Variants in ZNF302 observed in about 807,000 individuals in gnomAD.
The protein encoded by ZNF302 is zinc finger protein 302.
In ZNF302, 12 loss-of-function variants were observed where a neutral mutation model predicts 10.8. That is an observed-to-expected ratio of 1.11 (90% CI 0.71 to 1.79). The LOEUF (loss-of-function observed/expected upper bound fraction) is 1.79. Among genes scored for constraint, ZNF302 ranks in the 40% most tolerant of loss-of-function variants. The pLI, the probability that ZNF302 is intolerant of heterozygous loss-of-function variation, is 0.00. For synonymous variants in ZNF302, 178 were observed against 157.5 expected, an observed-to-expected ratio of 1.13 and a Z score of -0.98; for missense variants, 461 against 471.1, an observed-to-expected ratio of 0.98 and a Z score of 0.20.
At chr19:34,680,802 G>A (rs2068303455) in intron 2 of ZNF302, among the ~76,000 whole-genome samples, 1 of 152,220 alleles carries the variant, frequency 6.6e-6, no homozygotes, top group Admixed American at 6.5e-5. Flanking sequence ...GAAATTTTGT[G>A]TAGCAAATTG....
chr19:34,678,665 G>A lies in ZNF302; in HGVS notation c.-68-72G>A, dbSNP rs114380361. 2.4e-3 allele frequency: 1,921 copies of A among 787,526 alleles called. 25 individuals are homozygous for A. The African/African-American group carries it at 0.03, about 12-fold the overall frequency. The allele number at this position is 787,526 out of a possible 1,614,324, so 48.8% of individuals were successfully genotyped here. On this transcript the variant is annotated intron_variant, in intron 1 of 4. Transcript: ENST00000505242. Reference sequence around the variant, plus strand: ...GATTACCAGTGTGCTTTTCCATTAAGGTGTGTGACAGGTGCCGCAAGATAA... The same window carrying A: ...GATTACCAGTGTGCTTTTCCATTAAAGTGTGTGACAGGTGCCGCAAGATAA...
In ZNF302 at chr19:34,678,783, G is replaced by C; in HGVS notation, c.-22G>C. On this transcript the variant is annotated 5_prime_UTR_variant, in exon 2 of 5. Transcript: ENST00000505242. ...AAGAACCTGGAAAGGGGACTCTGTT[G>C]GCCATTGGAAATTGCAGAATAATGT... is the stretch of plus-strand genomic sequence containing the variant. 1 of 1,613,746 alleles carries C rather than the reference G, an allele frequency of 6.2e-7. No homozygotes were observed. The highest frequency in any genetic ancestry group is 8.5e-7 in the Non-Finnish European group (1 of 1,179,736).
chr19:34,679,998 C>G (rs2068254266), intron 2 of ZNF302: 1 of 697,666 alleles, frequency 1.4e-6, no homozygotes, highest in Non-Finnish European at 2.6e-6. Context: ...AGTCTGTTTT[C>G]ATGGAATAAT....
chr19:34,683,885 C>A, intron 4 of ZNF302: 1 of 973,876 alleles, frequency 1.0e-6, no homozygotes, highest in Non-Finnish European at 1.3e-6. Context: ...TGCAACCTTT[C>A]CCACATGAAT....
At chr19:34,678,874 T>C (rs1292541295) in intron 2 of ZNF302, 61 bp downstream of exon 2, 10 of 1,601,184 alleles carry the variant, frequency 6.2e-6, no homozygotes, top group Non-Finnish European at 8.6e-6. Context: ...TGTGTTTGCT[T>C]TGCTTCTCCT....
Position 34,685,388 on chromosome 19 carries a change from A to G in ZNF302, c.*151A>G. On this transcript the variant is annotated 3_prime_UTR_variant, in exon 5 of 5. Coordinates refer to ENST00000505242, the MANE Select transcript of ZNF302 (RefSeq NM_001289187.2). ...ACATCACAGTATTCATACTGGAGAG[A>G]AACCTTACGAATGTATTAAATGTGG... 1.2e-6 allele frequency: 2 copies of G among 1,611,058 alleles called. No homozygotes were observed. The highest frequency in any genetic ancestry group is 2.2e-5 in the East Asian group (1 of 44,854).
chr19:34,679,609 G>A (rs993944154), intron 2 of ZNF302, among the ~76,000 whole-genome samples: 3 of 152,146 alleles, frequency 2.0e-5, no homozygotes, highest in African/African-American at 7.2e-5. Context: ...ATCTCCTTCT[G>A]TGTTTGTTCC....
intron 2 of ZNF302, chr19:34,681,674 T>G (rs147536598): frequency 6.6e-6 from 1 of 152,376 alleles, no homozygotes; most frequent in Non-Finnish European, 1.5e-5. Context: ...ATAGCTGATC[T>G]GACAGCAGGT....
chr19:34,682,850 T>C lies in ZNF302; in HGVS notation c.83T>C (p.Leu28Ser). The C allele has an allele frequency of 1.2e-6, 2 of 1,613,848 alleles. No individual in the cohort carries two copies. The highest frequency in any genetic ancestry group is 1.7e-6 in the Non-Finnish European group (2 of 1,179,770). Reference protein sequence around the residue: ...WACLDSAQRDLYKDVMVQNYE... With the variant: ...WACLDSAQRDSYKDVMVQNYE... Reference sequence around the variant, plus strand: ...TGCCTAGATTCTGCTCAGAGGGACTTATACAAGGATGTGATGGTCCAGAAT... The same window carrying C: ...TGCCTAGATTCTGCTCAGAGGGACTCATACAAGGATGTGATGGTCCAGAAT... Residue 28 changes from leucine (L) to serine (S), a missense_variant, in exon 3 of 5, where the codon TTA (leucine) becomes TCA (serine). Leu to Ser is a moderately radical substitution (Grantham distance 145, BLOSUM62 -2). Coordinates refer to ENST00000505242, the MANE Select transcript of ZNF302 (RefSeq NM_001289187.2).
At position 34,678,743 on chromosome 19, in the gene ZNF302, G is replaced by A; in HGVS notation, c.-62G>A. 6.2e-7 allele frequency: 1 copy of A among 1,604,638 alleles called. No homozygotes were observed. The highest frequency in any genetic ancestry group is 8.5e-7 in the Non-Finnish European group (1 of 1,171,704). ...TGCCTTTCTGTGCCCTCAGGACACT[G>A]CCCATCTCTAAGATAAGAACCTGGA... On this transcript the variant is annotated 5_prime_UTR_variant, in exon 2 of 5. Transcript: ENST00000505242.
intron 1 of ZNF302, among the ~76,000 whole-genome samples, chr19:34,678,388 G>T (rs1008087031): frequency 7.4e-6 from 1 of 135,360 alleles, no homozygotes; most frequent in Non-Finnish European, 1.5e-5. Flanking sequence ...AGTCGAGGTC[G>T]CTCCATTGCA....
rs2068147798 is a variant in ZNF302, at chr19:34,678,686, G to C, written c.-68-51G>C. The C allele has an allele frequency of 1.1e-5, 13 of 1,159,270 alleles. No individual in the cohort carries two copies. In the South Asian group the frequency reaches 1.6e-4, roughly 14 times the overall value. 71.8% of individuals were successfully genotyped at this position (1,159,270 alleles called of 1,614,324 possible). ...TTAAGGTGTGTGACAGGTGCCGCAAGATAAGCCCGATTTTTCATGACTGCT... is the reference window on the plus strand; with the variant it reads ...TTAAGGTGTGTGACAGGTGCCGCAACATAAGCCCGATTTTTCATGACTGCT... On this transcript the variant is annotated intron_variant, in intron 1 of 4. Transcript: ENST00000505242.
intron 4 of ZNF302, chr19:34,684,034 A>G: frequency 6.6e-7 from 1 of 1,510,798 alleles, no homozygotes; most frequent in Non-Finnish European, 8.8e-7. Context: ...GCTTCTGTGA[A>G]CTTTGGATTC....
In ZNF302 at chr19:34,684,960, C is replaced by T. The variant is rs377255582; in HGVS notation, c.923C>T (p.Thr308Met). 73 of 1,613,934 alleles carry T rather than the reference C, an allele frequency of 4.5e-5. 1 individual carries two copies. The Middle Eastern group carries it at 5.0e-4, about 11-fold the overall frequency. Residue 308 changes from threonine (T) to methionine (M), a missense_variant, in exon 5 of 5, where the codon ACG becomes ATG. By Grantham distance (81) the Thr-to-Met change is moderately conservative (BLOSUM62 -1). Coordinates refer to ENST00000505242, the MANE Select transcript of ZNF302 (RefSeq NM_001289187.2). ...CTCATTCAGCATCTAAGAATTCATACGCAAGAAAAACGCTATGAGTGTCGT... is the reference window on the plus strand; with the variant it reads ...CTCATTCAGCATCTAAGAATTCATATGCAAGAAAAACGCTATGAGTGTCGT... ...SLLIQHLRIH[T>M]QEKRYECRIC...
At chr19:34,679,878 T>C (rs1393868544) in intron 2 of ZNF302, 2 of 702,872 alleles carry the variant, frequency 2.8e-6, no homozygotes, top group African/African-American at 3.5e-5. Context: ...TAGTAAGTAA[T>C]TGTGGAGTGA....
At position 34,684,860 on chromosome 19, in the gene ZNF302, C is replaced by T. The variant is rs751655910; in HGVS notation, c.823C>T (p.His275Tyr). The T allele has an allele frequency of 1.7e-5, 27 of 1,613,856 alleles. No individual in the cohort carries two copies. The highest frequency in any genetic ancestry group is 2.3e-5 in the Non-Finnish European group (27 of 1,179,788). Reference sequence around the variant, plus strand: ...TAGCCATGGCTCATCACTTACTAACCATCAGAGCACTCACACGGGAGAGAA... The same window carrying T: ...TAGCCATGGCTCATCACTTACTAACTATCAGAGCACTCACACGGGAGAGAA... ...AFSHGSSLTN[H>Y]QSTHTGEKPY... The change falls in exon 5 of 5, where the codon CAT becomes TAT. Residue 275 changes from histidine (H) to tyrosine (Y), a missense_variant. By Grantham distance (83) the His-to-Tyr change is moderately conservative. Coordinates refer to ENST00000505242, the MANE Select transcript of ZNF302 (RefSeq NM_001289187.2).
intron 2 of ZNF302, among the ~76,000 whole-genome samples, chr19:34,679,249 A>G (rs2068203627): frequency 2.0e-5 from 3 of 152,140 alleles, no homozygotes; most frequent in Admixed American, 2.0e-4. Flanking sequence ...TAGTTAGCCC[A>G]TCACCACCAC....
chr19:34,682,868 T>C lies in ZNF302; in HGVS notation c.101T>C (p.Val34Ala), dbSNP rs1210338080. Reference sequence around the variant, plus strand: ...AGGGACTTATACAAGGATGTGATGGTCCAGAATTATGAGAACCTGGTCTCT... The same window carrying C: ...AGGGACTTATACAAGGATGTGATGGCCCAGAATTATGAGAACCTGGTCTCT... ...AQRDLYKDVM[V>A]QNYENLVSVG... Residue 34 changes from valine to alanine, a missense_variant, in exon 3 of 5, where the codon GTC becomes GCC. By Grantham distance (64) the Val-to-Ala change is moderately conservative. Coordinates refer to ENST00000505242, the MANE Select transcript of ZNF302 (RefSeq NM_001289187.2). 5 of 1,613,722 alleles carry C rather than the reference T, an allele frequency of 3.1e-6. No individual in the cohort carries two copies. Among genetic ancestry groups the C allele is most frequent in the Non-Finnish European group, 3.4e-6 (4 of 1,179,746 alleles).
chr19:34,685,300 A>AT lies in ZNF302; in HGVS notation c.*65dup, dbSNP rs2145364335. The AT allele has an allele frequency of 6.2e-7, 1 of 1,614,012 alleles. No homozygotes were observed. Among genetic ancestry groups the AT allele is most frequent in the Non-Finnish European group, 8.5e-7 (1 of 1,179,914 alleles). Reference sequence around the variant, plus strand: ...ATATGCATTTGAGAAATCACATTAGATTGAAACCCTACGAATGCAGTATAT... The same window carrying AT: ...ATATGCATTTGAGAAATCACATTAGATTTGAAACCCTACGAATGCAGTATAT... On this transcript the variant is annotated 3_prime_UTR_variant, in exon 5 of 5. Coordinates refer to ENST00000505242, the MANE Select transcript of ZNF302 (RefSeq NM_001289187.2).
Sources: gnomAD v4.1 joint callset for allele counts (sites outside exome capture counted in the v4.1 genomes callset) on GRCh38, gnomAD v4.1.1 for gene constraint, MANE v1.5 for transcripts, NCBI Gene and HGNC (gene_info 2026-07-23, HGNC 2026-07-21) for gene names.